Variants in PROSER2 observed in about 807,000 individuals in gnomAD.
PROSER2 encodes proline and serine rich 2.
Under a neutral mutation model 14.6 loss-of-function variants are expected in PROSER2, and 18 were observed. That is an observed-to-expected ratio of 1.23 (90% CI 0.85 to 1.83). The LOEUF is 1.83. PROSER2 is among the 40% of genes most tolerant of loss of function. The pLI, the probability that PROSER2 is intolerant of heterozygous loss-of-function variation, is 0.00. For missense variants in PROSER2, 823 were observed against 629.8 expected, an observed-to-expected ratio of 1.31 and a Z score of -3.28; for synonymous variants, 367 against 286.4, an observed-to-expected ratio of 1.28 and a Z score of -2.84.
At position 11,869,845 on chromosome 10, in the gene PROSER2, G is replaced by C. The variant is rs1180097772; in HGVS notation, c.747G>C (p.Lys249Asn). 6.3e-7 allele frequency: 1 copy of C among 1,587,008 alleles called. No homozygotes were observed. Among genetic ancestry groups the C allele is most frequent in the Non-Finnish European group, 8.6e-7 (1 of 1,169,084 alleles). Residue 249 changes from lysine to asparagine, a missense_variant, in exon 4 of 4, where the codon AAG becomes AAC. By Grantham distance (94) the Lys-to-Asn change is moderately conservative. Transcript: ENST00000277570. This position sits in a 1 kb window ranked among gnomAD's most constrained non-coding sequence, Gnocchi z 4.4. The stretch of plus-strand genomic sequence containing the variant: ...GGCCCAGCCACCCGGCGCAGCCCAA[G>C]GCACCCCGCTTCCCCAGCAACATCA... Reference protein sequence around the residue: ...GPGPSHPAQPKAPRFPSNIIV... With the variant: ...GPGPSHPAQPNAPRFPSNIIV...
rs1833674884 is a variant in PROSER2 at position 11,830,384 on chromosome 10, T to C, written c.-82+6914T>C. ...TGCATTCATTTTTATGGCTGAGTAG[T>C]CGTCCGTGGTGTTTATATACCACAT... On this transcript the variant is annotated intron_variant, in intron 1 of 3. Coordinates refer to ENST00000277570, the MANE Select transcript of PROSER2 (RefSeq NM_153256.4). This position sits in a 1 kb window ranked among gnomAD's most constrained non-coding sequence, Gnocchi z 4.5. 6.6e-6 allele frequency among the ~76,000 whole-genome samples: 1 copy of C among 152,228 alleles called. No homozygotes were observed.
chr10:11,833,616 A>C (rs1160139274), intron 1 of PROSER2, among the ~76,000 whole-genome samples: 2 of 151,980 alleles, frequency 1.3e-5, no homozygotes, highest in Non-Finnish European at 2.9e-5. Context: ...TTTTGAACCC[A>C]GGAGGCAGAG....
rs1390162011 is a variant in PROSER2 at position 11,871,319 on chromosome 10, G to A, written c.*913G>A. The A allele has an allele frequency of 6.6e-6, 1 of 152,178 alleles. No individual in the cohort carries two copies. Among genetic ancestry groups the A allele is most frequent in the Admixed American group, 6.5e-5 (1 of 15,290 alleles). The allele number at this position is 152,178 out of a possible 1,614,324, so 9.4% of individuals were successfully genotyped here. A position where few individuals can be genotyped will look rare whatever the true frequency, so the allele number is the denominator to read the frequency against. ...ACTTCCTAGTATGGAAGTGTCTTAAGGACACGTCTCCATGATATTTTGGTG... is the reference window on the plus strand; with the variant it reads ...ACTTCCTAGTATGGAAGTGTCTTAAAGACACGTCTCCATGATATTTTGGTG... On this transcript the variant is annotated 3_prime_UTR_variant, in exon 4 of 4. Coordinates refer to ENST00000277570, the MANE Select transcript of PROSER2 (RefSeq NM_153256.4).
intron 2 of PROSER2, among the ~76,000 whole-genome samples, chr10:11,861,786 C>G: frequency 6.6e-6 from 1 of 152,186 alleles, no homozygotes; most frequent in East Asian, 1.9e-4. Context: ...CTACCTGGCC[C>G]TTTACCAAAG....
chr10:11,852,251 C>T (rs1564308526), intron 2 of PROSER2, 36 bp downstream of exon 2: 2 of 1,569,676 alleles, frequency 1.3e-6, no homozygotes, highest in Middle Eastern at 1.7e-4. Context: ...TTTCCTGTGC[C>T]TGGGTCAGTG....
Position 11,855,147 on chromosome 10 carries a change from G to GTT in PROSER2, c.138+2946_138+2947dup, listed in dbSNP as rs913925186. Among the ~76,000 whole-genome samples the GTT allele has an allele frequency of 4.2e-5, 6 of 142,448 alleles. 1 individual carries two copies. Among genetic ancestry groups the GTT allele is most frequent in the African/African-American group, 1.3e-4 (5 of 38,556 alleles). 93.5% of individuals were successfully genotyped at this position (142,448 alleles called of 152,430 possible). A position where few individuals can be genotyped will look rare whatever the true frequency, so the allele number is the denominator to read the frequency against. Reference sequence around the variant, plus strand: ...TCGTTCTCATTTATAGAGGTTTTTTGTTTTTTTTTTTTTTTAAGCAAACGT... The same window carrying GTT: ...TCGTTCTCATTTATAGAGGTTTTTTGTTTTTTTTTTTTTTTTTAAGCAAACGT... On this transcript the variant is annotated intron_variant, in intron 2 of 3. Coordinates refer to ENST00000277570, the MANE Select transcript of PROSER2 (RefSeq NM_153256.4).
Position 11,870,196 on chromosome 10 carries a change from C to T in PROSER2, c.1098C>T (p.Leu366=), listed in dbSNP as rs748361539. The T allele has an allele frequency of 1.2e-5, 18 of 1,489,096 alleles. No individual in the cohort carries two copies. Among genetic ancestry groups the T allele is most frequent in the South Asian group, 3.7e-5 (3 of 80,046 alleles). The allele number at this position is 1,489,096 out of a possible 1,614,324, so 92.2% of individuals were successfully genotyped here. A position where few individuals can be genotyped will look rare whatever the true frequency, so the allele number is the denominator to read the frequency against. The stretch of plus-strand genomic sequence containing the variant: ...CCTTCGCGCCCGCTGGGAAGTCCCT[C>T]TGCTTCCGCCCTGGCCCGGCCCTGC... ...PSSFAPAGKS[L]CFRPGPALPS... Residue 366 remains leucine (L), a synonymous_variant, in exon 4 of 4, where the codon CTC becomes CTT. Coordinates refer to ENST00000277570, the MANE Select transcript of PROSER2 (RefSeq NM_153256.4).
In PROSER2 at chr10:11,833,867, A is replaced by T. The variant is rs367835597; in HGVS notation, c.-82+10397A>T. 3.3e-5 allele frequency among the ~76,000 whole-genome samples: 5 copies of T among 151,478 alleles called. No homozygotes were observed. The East Asian group carries it at 9.8e-4, about 30-fold the overall frequency. On this transcript the variant is annotated intron_variant, in intron 1 of 3. Transcript: ENST00000277570. ...TGAGAGTCCGGCGGGGAGGCCAGTGATGAAGGAGTCACGAAGGCTTGACCA... is the reference window on the plus strand; with the variant it reads ...TGAGAGTCCGGCGGGGAGGCCAGTGTTGAAGGAGTCACGAAGGCTTGACCA...
intron 1 of PROSER2, among the ~76,000 whole-genome samples, chr10:11,825,257 A>G (rs978327095): frequency 6.6e-6 from 1 of 151,060 alleles, no homozygotes; most frequent in Non-Finnish European, 1.5e-5. Context: ...TCTAGAACTT[A>G]GAAGTTCAAG....
chr10:11,837,531 C>T lies in PROSER2; in HGVS notation c.-82+14061C>T, dbSNP rs577466107. Among the ~76,000 whole-genome samples, 2 of 152,146 alleles carry T rather than the reference C, an allele frequency of 1.3e-5. No individual in the cohort carries two copies. The highest frequency in any genetic ancestry group is 2.9e-5 in the Non-Finnish European group (2 of 68,026). On this transcript the variant is annotated intron_variant, in intron 1 of 3. Coordinates refer to ENST00000277570, the MANE Select transcript of PROSER2 (RefSeq NM_153256.4). This position sits in a 1 kb window ranked among gnomAD's most constrained non-coding sequence, Gnocchi z 4.6. The stretch of plus-strand genomic sequence containing the variant: ...TAGGTACATGGGGTTGTCTTCAGAC[C>T]CAGCCTGGACCTGTTTTTGTGAAGT...
chr10:11,829,248 TC>T (rs1282767040), intron 1 of PROSER2, among the ~76,000 whole-genome samples: 1 of 151,748 alleles, frequency 6.6e-6, no homozygotes, highest in African/African-American at 2.4e-5. Context: ...CCTGGGCATG[TC>T]AATTGTCGAA....
intron 1 of PROSER2, among the ~76,000 whole-genome samples, chr10:11,848,940 G>A (rs997432893): frequency 1.3e-5 from 2 of 152,288 alleles, no homozygotes; most frequent in East Asian, 3.9e-4. Context: ...TGTAATCCCA[G>A]CACTTTGGGA....
At position 11,869,949 on chromosome 10, in the gene PROSER2, A is replaced by G. The variant is rs1467302637; in HGVS notation, c.851A>G (p.Gln284Arg). ...AAVSVQERRA[Q>R]VLATIHGHAG... ...GTCAGCGTGCAGGAGCGCAGGGCGC[A>G]GGTGTTGGCCACCATCCACGGCCAC... Residue 284 changes from glutamine to arginine, a missense_variant, in exon 4 of 4, where the codon CAG (glutamine) becomes CGG (arginine). Physicochemically the swap from Gln to Arg is conservative, Grantham distance 43. Transcript: ENST00000277570. The surrounding 1 kb of genome is among the most constrained non-coding windows in gnomAD (Gnocchi z 4.4). 2.0e-6 allele frequency: 3 copies of G among 1,487,912 alleles called. No individual in the cohort carries two copies. Among genetic ancestry groups the G allele is most frequent in the African/African-American group, 1.5e-5 (1 of 68,204 alleles). The allele number at this position is 1,487,912 out of a possible 1,614,324, so 92.2% of individuals were successfully genotyped here. A position where few individuals can be genotyped will look rare whatever the true frequency, so the allele number is the denominator to read the frequency against.
At chr10:11,825,760 G>A (rs1393561292) in intron 1 of PROSER2, among the ~76,000 whole-genome samples, 2 of 152,216 alleles carry the variant, frequency 1.3e-5, no homozygotes, top group African/African-American at 4.8e-5. Context: ...TATGGGGAGA[G>A]CATTCTGCCT....
At position 11,869,600 on chromosome 10, in the gene PROSER2, C is replaced by T. The variant is rs753576605; in HGVS notation, c.502C>T (p.Pro168Ser). The T allele has an allele frequency of 1.9e-6, 3 of 1,605,292 alleles. No individual in the cohort carries two copies. Among genetic ancestry groups the T allele is most frequent in the South Asian group, 2.2e-5 (2 of 90,472 alleles). The change falls in exon 4 of 4, where the codon CCC (proline) becomes TCC (serine). Residue 168 changes from proline (P) to serine (S), a missense_variant. Transcript: ENST00000277570. The surrounding 1 kb of genome is among the most constrained non-coding windows in gnomAD (Gnocchi z 4.4). The stretch of plus-strand genomic sequence containing the variant: ...TGCGCCACCACCCCTGCCTAGCACC[C>T]CCGATCCCCCCAGGAGGGAGCTGCG... ...LLAPPPLPST[P>S]DPPRRELRAP...
intron 3 of PROSER2, among the ~76,000 whole-genome samples, chr10:11,868,523 C>T (rs939601594): frequency 3.9e-5 from 6 of 152,228 alleles, no homozygotes; most frequent in African/African-American, 1.4e-4. Flanking sequence ...CCTCCCACCT[C>T]AGCTTCCCAG....
In PROSER2 at chr10:11,869,763, C is replaced by A; in HGVS notation, c.665C>A (p.Pro222His). ...SPTSPFREGRPGEWRTPAARG... is the reference protein window; with the variant it reads ...SPTSPFREGRHGEWRTPAARG... ...ACCTCCCCGTTCAGGGAGGGCCGGC[C>A]CGGGGAGTGGAGGACACCTGCCGCC... The change falls in exon 4 of 4, where the codon CCC becomes CAC. Residue 222 changes from proline (P) to histidine (H), a missense_variant. Transcript: ENST00000277570. The surrounding 1 kb of genome is among the most constrained non-coding windows in gnomAD (Gnocchi z 4.4). 1 of 1,571,382 alleles carries A rather than the reference C, an allele frequency of 6.4e-7. No individual in the cohort carries two copies.
In PROSER2 at chr10:11,866,908, G is replaced by A. The variant is rs1834360912; in HGVS notation, c.391+125G>A. 8.8e-7 allele frequency: 1 copy of A among 1,141,378 alleles called. No homozygotes were observed. Among genetic ancestry groups the A allele is most frequent in the Admixed American group, 2.8e-5 (1 of 35,686 alleles). The allele number at this position is 1,141,378 out of a possible 1,614,324, so 70.7% of individuals were successfully genotyped here. A position where few individuals can be genotyped will look rare whatever the true frequency, so the allele number is the denominator to read the frequency against. ...TGTTGAGTCTTACCAGATTTTTATA[G>A]GGGAAAATACTCCTTGGCAGTTTCA... On this transcript the variant is annotated intron_variant, in intron 3 of 3. Coordinates refer to ENST00000277570, the MANE Select transcript of PROSER2 (RefSeq NM_153256.4). This position sits in a 1 kb window ranked among gnomAD's most constrained non-coding sequence, Gnocchi z 6.0.
At chr10:11,839,268 A>G (rs1288007216) in intron 1 of PROSER2, among the ~76,000 whole-genome samples, 12 of 152,204 alleles carry the variant, frequency 7.9e-5, no homozygotes, top group Non-Finnish European at 1.5e-4. Context: ...GTGGAACCAT[A>G]AAAATGCTAG....
Sources: gnomAD v4.1 joint callset for allele counts (sites outside exome capture counted in the v4.1 genomes callset) on GRCh38, gnomAD v4.1.1 for gene constraint, Gnocchi (gnomAD v3.1) non-coding constraint, MANE v1.5 for transcripts, NCBI Gene and HGNC (gene_info 2026-07-23, HGNC 2026-07-21) for gene names.